Variants in USP40 observed in about 807,000 individuals in gnomAD.
The protein encoded by USP40 is ubiquitin specific peptidase 40.
USP40 carries 143 observed loss-of-function variants against 166.2 expected under a neutral mutation model. The ratio of observed to expected loss-of-function variants is 0.86; its 90% confidence interval spans 0.75 to 0.99. USP40 has a LOEUF of 0.99. Ranked by LOEUF, USP40 falls within the 50% of genes least tolerant of loss-of-function variation. The pLI is 0.00. For missense variants in USP40, 1,444 were observed against 1,479.7 expected, an observed-to-expected ratio of 0.98 and a Z score of 0.40; for synonymous variants, 498 against 524.0, an observed-to-expected ratio of 0.95 and a Z score of 0.68.
intron 21 of USP40, among the ~76,000 whole-genome samples, chr2:233,508,728 C>T (rs2066599604): frequency 1.3e-5 from 2 of 152,064 alleles, no homozygotes; most frequent in Admixed American, 1.3e-4. Context: ...TGCTTAGCTA[C>T]CCTGGGATAT....
intron 21 of USP40, among the ~76,000 whole-genome samples, chr2:233,509,813 C>A (rs1284210902): frequency 6.9e-6 from 1 of 145,938 alleles, no homozygotes; most frequent in African/African-American, 2.6e-5. Flanking sequence ...TGCACTCCAG[C>A]CTGGGTGACA....
intron 21 of USP40, among the ~76,000 whole-genome samples, chr2:233,506,214 T>C (rs906976047): frequency 1.3e-5 from 2 of 152,180 alleles, no homozygotes; most frequent in African/African-American, 4.8e-5. Context: ...AGCCAACTAA[T>C]TTTTGATAGA....
At chr2:233,492,023 C>T (rs1287206211) in intron 25 of USP40, among the ~76,000 whole-genome samples, 10 of 152,198 alleles carry the variant, frequency 6.6e-5, no homozygotes, top group African/African-American at 1.9e-4. Context: ...CAGGCTGACA[C>T]TACCGGAAAG....
intron 13 of USP40, 89 bp downstream of exon 13, chr2:233,527,318 T>C: frequency 4.9e-6 from 7 of 1,420,392 alleles, no homozygotes; most frequent in Middle Eastern, 2.6e-4. Flanking sequence ...CTTTGAAAAA[T>C]AAAGTTGTAT....
intron 4 of USP40, among the ~76,000 whole-genome samples, chr2:233,559,071 C>T (rs961400431): frequency 4.6e-5 from 7 of 152,188 alleles, no homozygotes; most frequent in Non-Finnish European, 8.8e-5. Flanking sequence ...AGGATTACAT[C>T]CATCTATTCC....
rs566948904 is a variant in USP40, at chr2:233,536,001, CAACT to C, written c.1171-2226_1171-2223del. On this transcript the variant is annotated intron_variant, in intron 10 of 31. Coordinates refer to ENST00000678225, the MANE Select transcript of USP40 (RefSeq NM_001365479.2). ...CAATCTGTACCCTTATAAATATATA[CAACT>C]AAAATTTATCAATTTGTAATTAAAA... Among the ~76,000 whole-genome samples the C allele has an allele frequency of 3.3e-3, 508 of 152,056 alleles. 2 individuals are homozygous for C. Among genetic ancestry groups the C allele is most frequent in the Middle Eastern group, 0.01 (3 of 294 alleles).
At chr2:233,491,503 C>G (rs183094144) in intron 25 of USP40, among the ~76,000 whole-genome samples, 1 of 152,316 alleles carries the variant, frequency 6.6e-6, no homozygotes, top group Non-Finnish European at 1.5e-5. Flanking sequence ...TCCACATTCT[C>G]TCCTTCCTCA....
intron 6 of USP40, among the ~76,000 whole-genome samples, chr2:233,553,061 T>TATTGGCCATAGGTACA (rs11269235): frequency 0.8 from 122,129 of 151,920 alleles, 49,254 homozygotes; most frequent in East Asian, 0.96. Context: ...GTTGATGCCA[T>TATTGGCCATAGGTACA]AGAAGCTGAG....
chr2:233,514,519 T>C (rs1409345461), intron 18 of USP40, among the ~76,000 whole-genome samples: 1 of 142,156 alleles, frequency 7.0e-6, no homozygotes, highest in African/African-American at 2.6e-5. Context: ...GAAAAGCAGA[T>C]CACAAGGTTA....
At chr2:233,527,696 T>C (rs1294210916) in intron 12 of USP40, 118 bp from the exon 13 acceptor site, 1 of 925,964 alleles carries the variant, frequency 1.1e-6, no homozygotes, top group African/African-American at 1.7e-5. Context: ...AAGTAACAAT[T>C]TTTCTTCTAT....
intron 10 of USP40, among the ~76,000 whole-genome samples, chr2:233,536,775 A>G (rs1453709230): frequency 4.6e-5 from 7 of 152,254 alleles, no homozygotes; most frequent in Admixed American, 4.6e-4. Context: ...CCAACCATGA[A>G]TCAAAAACAT....
intron 8 of USP40, among the ~76,000 whole-genome samples, chr2:233,548,210 T>C (rs963415503): frequency 3.3e-5 from 5 of 152,148 alleles, no homozygotes; most frequent in South Asian, 4.1e-4. Flanking sequence ...TCTAGGAAGA[T>C]CAAAGTTTTA....
At position 233,542,163 on chromosome 2, in the gene USP40, T is replaced by G. The variant is rs1575321436; in HGVS notation, c.1062+105A>C. 13 of 487,264 alleles carry G rather than the reference T, an allele frequency of 2.7e-5. No homozygotes were observed. In the East Asian group the frequency reaches 4.6e-4, roughly 17 times the overall value. The allele number at this position is 487,264 out of a possible 1,614,324, so 30.2% of individuals were successfully genotyped here. On this transcript the variant is annotated intron_variant, in intron 9 of 31. Coordinates refer to ENST00000678225, the MANE Select transcript of USP40 (RefSeq NM_001365479.2). ...GGAAAGACTATGAATGGTAATAATA[T>G]CACACCTAGCAATTAAACCGCATAC...
At chr2:233,513,148 T>C (rs1015880433) in intron 18 of USP40, among the ~76,000 whole-genome samples, 2 of 152,214 alleles carry the variant, frequency 1.3e-5, no homozygotes, top group African/African-American at 4.8e-5. Context: ...GCATAGCTTA[T>C]AATATAGAGT....
At chr2:233,491,504 T>C (rs1259991648) in intron 25 of USP40, among the ~76,000 whole-genome samples, 1 of 152,208 alleles carries the variant, frequency 6.6e-6, no homozygotes, top group African/African-American at 2.4e-5. Flanking sequence ...CCACATTCTC[T>C]CCTTCCTCAA....
chr2:233,560,324 T>C (rs942657000), intron 3 of USP40, among the ~76,000 whole-genome samples: 3 of 152,210 alleles, frequency 2.0e-5, no homozygotes, highest in Non-Finnish European at 4.4e-5. Flanking sequence ...TCTGGAGTTC[T>C]CAGCACACCC....
rs993974626 is a variant in USP40 at position 233,524,483 on chromosome 2, T to G, written c.1881+9A>C. The G allele has an allele frequency of 6.2e-7, 1 of 1,601,168 alleles. No homozygotes were observed. The highest frequency in any genetic ancestry group is 1.3e-5 in the African/African-American group (1 of 74,436). On this transcript the variant is annotated intron_variant, in intron 15 of 31. Transcript: ENST00000678225. ...TTATCACGAATATTTCTTCAGTAAT[T>G]TTTTTTACCTCCACCCCATTCCACA...
intron 10 of USP40, among the ~76,000 whole-genome samples, chr2:233,536,876 GTTTT>G (rs368576182): frequency 2.6e-5 from 4 of 151,822 alleles, no homozygotes; most frequent in Non-Finnish European, 4.4e-5. Context: ...ATTGTATTAG[GTTTT>G]TTTGTTTCCT....
intron 18 of USP40, among the ~76,000 whole-genome samples, chr2:233,517,386 G>GT (rs201945738): frequency 0.14 from 18,116 of 133,888 alleles, 1,477 homozygotes; most frequent in African/African-American, 0.22. Context: ...ATGGTTTTTT[G>GT]TTTTTTTTTT....
Sources: allele counts gnomAD v4.1 joint callset (sites outside exome capture counted in the v4.1 genomes callset), GRCh38; gene constraint gnomAD v4.1.1; transcripts MANE v1.5; gene names NCBI Gene and HGNC (gene_info 2026-07-23, HGNC 2026-07-21).